The following SHOC2 variants were observed in gnomAD, a reference collection of about 807,000 sequenced individuals.
SHOC2 encodes leucine-rich repeat protein SHOC-2.
In SHOC2, 4 loss-of-function variants were observed where a neutral mutation model predicts 50.2. That is an observed-to-expected ratio of 0.08 (90% CI 0.04 to 0.18). SHOC2 has a LOEUF of 0.18. Among genes scored for constraint, SHOC2 ranks in the 10% least tolerant of loss-of-function variants. SHOC2 has a pLI of 1.00. For synonymous variants in SHOC2, 218 were observed against 244.5 expected, an observed-to-expected ratio of 0.89 and a Z score of 1.01; for missense variants, 388 against 669.6, an observed-to-expected ratio of 0.58 and a Z score of 4.64.
chr10:110,934,475 A>G (rs1465462453), intron 1 of SHOC2, among the ~76,000 whole-genome samples: 1 of 152,246 alleles, frequency 6.6e-6, no homozygotes, highest in Non-Finnish European at 1.5e-5. Context: ...TAATTTATAT[A>G]CATAAAGTTA....
chr10:110,944,999 A>G (rs961549347), intron 1 of SHOC2, among the ~76,000 whole-genome samples: 2 of 152,146 alleles, frequency 1.3e-5, no homozygotes, highest in Non-Finnish European at 2.9e-5. Context: ...TTGAGCATGT[A>G]CACAGCCTTA....
intron 3 of SHOC2, among the ~76,000 whole-genome samples, chr10:110,987,901 T>A (rs1466690169): frequency 1.3e-5 from 2 of 152,072 alleles, no homozygotes; most frequent in Non-Finnish European, 2.9e-5. Flanking sequence ...TGATGATCTC[T>A]AGGATAAATT....
At position 110,995,648 on chromosome 10, in the gene SHOC2, C is replaced by T. The variant is rs547935604; in HGVS notation, c.842-4767C>T. Among the ~76,000 whole-genome samples, 5 of 152,280 alleles carry T rather than the reference C, an allele frequency of 3.3e-5. No individual in the cohort carries two copies. In the South Asian group the frequency reaches 1.0e-3, roughly 32 times the overall value. ...GTTATGGTAAAGTCCCTGCTGATTA[C>T]CCTCAGATGGCTCTTACTGCTGCTT... is the stretch of plus-strand genomic sequence containing the variant. On this transcript the variant is annotated intron_variant, in intron 3 of 8. Coordinates refer to ENST00000369452, the MANE Select transcript of SHOC2 (RefSeq NM_007373.4).
chr10:110,975,866 A>C (rs1233296847), intron 2 of SHOC2, among the ~76,000 whole-genome samples: 6 of 150,914 alleles, frequency 4.0e-5, no homozygotes, highest in Middle Eastern at 3.5e-3. Context: ...GTTTTTCCCT[A>C]ATCTTTTGCT....
intron 1 of SHOC2, among the ~76,000 whole-genome samples, chr10:110,957,537 C>CT (rs1554856738): frequency 8.0e-5 from 12 of 149,946 alleles, no homozygotes; most frequent in South Asian, 2.2e-4. Context: ...AAGATACCCC[C>CT]CCCCCAGCCC....
intron 1 of SHOC2, among the ~76,000 whole-genome samples, chr10:110,933,847 C>T (rs73343862): frequency 0.019 from 2,882 of 152,138 alleles, 102 homozygotes; most frequent in African/African-American, 0.065. Flanking sequence ...GGATCCAGTC[C>T]AGTGATGCCC....
chr10:110,951,433 T>C (rs1847349380), intron 1 of SHOC2, among the ~76,000 whole-genome samples: 1 of 152,198 alleles, frequency 6.6e-6, no homozygotes, highest in Admixed American at 6.5e-5. Context: ...TCTTTTACAC[T>C]GTTGTAAATT....
chr10:110,950,767 T>A lies in SHOC2; in HGVS notation c.-234-13358T>A, dbSNP rs187041168. Among the ~76,000 whole-genome samples, 8 of 152,318 alleles carry A rather than the reference T, an allele frequency of 5.3e-5. No individual in the cohort carries two copies. In the South Asian group the frequency reaches 6.2e-4, roughly 12 times the overall value. On this transcript the variant is annotated intron_variant, in intron 1 of 8. Coordinates refer to ENST00000369452, the MANE Select transcript of SHOC2 (RefSeq NM_007373.4). ...TTAAGAACACAGAATGGAGAAGTGA[T>A]CGTTTCTTCAATAAATGGTGTTGGA...
intron 1 of SHOC2, among the ~76,000 whole-genome samples, chr10:110,959,718 A>G (rs1399005746): frequency 6.6e-6 from 1 of 152,192 alleles, no homozygotes; most frequent in Non-Finnish European, 1.5e-5. Context: ...CTTGCTGAAA[A>G]TGTCTGGCAA....
In SHOC2 at chr10:110,968,931, AT is replaced by A. The variant is rs905195839; in HGVS notation, c.703+3871del. On this transcript the variant is annotated intron_variant, in intron 2 of 8. Transcript: ENST00000369452. Reference sequence around the variant, plus strand: ...ATGCTGTTGCCTTGATAGGAAAAAAATATTAGAACATTTATCCTTTTAAGCA... The same window carrying A: ...ATGCTGTTGCCTTGATAGGAAAAAAAATTAGAACATTTATCCTTTTAAGCA... Among the ~76,000 whole-genome samples, 84 of 152,344 alleles carry A rather than the reference AT, an allele frequency of 5.5e-4. 1 individual carries two copies. Among genetic ancestry groups the A allele is most frequent in the African/African-American group, 1.9e-3 (81 of 41,590 alleles).
At chr10:110,986,126 AAAAT>A (rs1403524262) in intron 3 of SHOC2, among the ~76,000 whole-genome samples, 1 of 152,202 alleles carries the variant, frequency 6.6e-6, no homozygotes, top group Non-Finnish European at 1.5e-5. Context: ...TCCATACTGA[AAAAT>A]AAAACCATTG....
rs1321004022 is a variant in SHOC2 at position 111,009,238 on chromosome 10, T to C, written c.1285-10T>C. On this transcript the variant is annotated splice_polypyrimidine_tract_variant and intron_variant, in intron 6 of 8. Transcript: ENST00000369452. ...TGATTTCCTAAACATTATCAATAAT[T>C]TCTCATTAGGTTCTTATCTTATCAA... 6.6e-6 allele frequency: 10 copies of C among 1,519,748 alleles called. No individual in the cohort carries two copies. The highest frequency in any genetic ancestry group is 9.1e-6 in the Non-Finnish European group (10 of 1,096,142). The allele number at this position is 1,519,748 out of a possible 1,614,324, so 94.1% of individuals were successfully genotyped here.
chr10:110,936,487 C>G, intron 1 of SHOC2: 1 of 571,970 alleles, frequency 1.7e-6, no homozygotes. Context: ...TCAAAGGATT[C>G]TCTTTTTAAA....
intron 1 of SHOC2, among the ~76,000 whole-genome samples, chr10:110,939,709 A>G (rs1430117399): frequency 6.6e-6 from 1 of 152,160 alleles, no homozygotes; most frequent in African/African-American, 2.4e-5. Context: ...TCTCTGAATT[A>G]TTTTTCTCCT....
intron 1 of SHOC2, among the ~76,000 whole-genome samples, chr10:110,947,257 G>C (rs1327867607): frequency 6.6e-6 from 1 of 152,208 alleles, no homozygotes; most frequent in Admixed American, 6.5e-5. Flanking sequence ...CACCAGGCCA[G>C]ATCCCACAGA....
chr10:110,976,636 T>A (rs959707851), intron 2 of SHOC2, among the ~76,000 whole-genome samples: 3 of 152,160 alleles, frequency 2.0e-5, no homozygotes, highest in Non-Finnish European at 4.4e-5. Flanking sequence ...AAGCTGTTTT[T>A]CCTAATATAG....
At chr10:110,943,435 CTG>C (rs1200147291) in intron 1 of SHOC2, among the ~76,000 whole-genome samples, 1 of 152,130 alleles carries the variant, frequency 6.6e-6, no homozygotes, top group African/African-American at 2.4e-5. Context: ...ACTTATATCT[CTG>C]TATTGATATT....
intron 2 of SHOC2, among the ~76,000 whole-genome samples, chr10:110,974,507 G>A (rs895139197): frequency 6.6e-6 from 1 of 152,026 alleles, no homozygotes; most frequent in Non-Finnish European, 1.5e-5. Context: ...TTTAAAATGG[G>A]TTTTGTAAAC....
At chr10:110,930,162 G>C (rs1391087537) in intron 1 of SHOC2, among the ~76,000 whole-genome samples, 1 of 152,148 alleles carries the variant, frequency 6.6e-6, no homozygotes, top group African/African-American at 2.4e-5. Flanking sequence ...AAACCAAACT[G>C]TCAGAATGGT....
Sources: allele counts gnomAD v4.1 joint callset (sites outside exome capture counted in the v4.1 genomes callset), GRCh38; gene constraint gnomAD v4.1.1; transcripts MANE v1.5; gene names NCBI Gene and HGNC (gene_info 2026-07-23, HGNC 2026-07-21).